Variants in GBE1 observed in about 807,000 individuals in gnomAD.
GBE1 encodes 1,4-alpha-glucan branching enzyme 1, also known as 1,4-alpha-glucan-branching enzyme.
GBE1 carries 70 observed loss-of-function variants against 88.8 expected under a neutral mutation model. The observed-to-expected ratio is 0.79, with a 90% CI of 0.65 to 0.96. The LOEUF (loss-of-function observed/expected upper bound fraction) is 0.96. GBE1 is among the 40% of genes least tolerant of loss of function. The pLI, the probability that GBE1 is intolerant of heterozygous loss-of-function variation, is 0.00. For missense variants in GBE1, 872 were observed against 871.0 expected (o/e 1.00, Z -0.01); for synonymous variants, 284 against 300.1 (o/e 0.95, Z 0.56).
chr3:81,741,431 G>A (rs1056014626), intron 1 of GBE1, among the ~76,000 whole-genome samples: 7 of 151,976 alleles, frequency 4.6e-5, no homozygotes, highest in African/African-American at 1.7e-4. Flanking sequence ...ACTTGAGAAA[G>A]AGCAACCACA....
intron 3 of GBE1, among the ~76,000 whole-genome samples, chr3:81,667,939 T>C (rs1482462325): frequency 1.3e-5 from 2 of 152,178 alleles, no homozygotes; most frequent in East Asian, 1.9e-4. Flanking sequence ...ATTGCAACAC[T>C]ATTTACAATG....
rs539747814 is a variant in GBE1 at position 81,613,126 on chromosome 3, G to A, written c.993-19103C>T. On this transcript the variant is annotated intron_variant, in intron 7 of 15. Coordinates refer to ENST00000429644, the MANE Select transcript of GBE1 (RefSeq NM_000158.4). ...CCTTCCTTTTTTAAAATGTTCTCCA[G>A]TCCTTGGGAGCAAGCTGCAGTCTTT... 3.7e-5 allele frequency: 15 copies of A among 401,172 alleles called. No individual in the cohort carries two copies. The East Asian group carries it at 1.2e-3, about 31-fold the overall frequency. The allele number at this position is 401,172 out of a possible 1,614,324, so 24.9% of individuals were successfully genotyped here.
chr3:81,592,213 TA>T (rs1703888810), intron 8 of GBE1, among the ~76,000 whole-genome samples: 1 of 152,084 alleles, frequency 6.6e-6, no homozygotes, highest in African/African-American at 2.4e-5. Context: ...GTAATATTAT[TA>T]ACTATAGTTA....
At chr3:81,515,683 T>C (rs564126227) in intron 14 of GBE1, among the ~76,000 whole-genome samples, 7 of 151,758 alleles carry the variant, frequency 4.6e-5, no homozygotes, top group African/African-American at 1.7e-4. Flanking sequence ...AGGTCCCTTA[T>C]GCCAAAGAGT....
intron 12 of GBE1, among the ~76,000 whole-genome samples, chr3:81,558,382 T>G (rs1186810854): frequency 4.6e-5 from 7 of 152,028 alleles, no homozygotes; most frequent in Non-Finnish European, 1.0e-4. Flanking sequence ...AAAAACAACT[T>G]AGGTATCAAA....
At chr3:81,505,118 C>G (rs1308208389) in intron 14 of GBE1, among the ~76,000 whole-genome samples, 1 of 152,188 alleles carries the variant, frequency 6.6e-6, no homozygotes, top group Non-Finnish European at 1.5e-5. Context: ...TTGTAAGATA[C>G]ATTCCAACTG....
chr3:81,665,617 T>G (rs1391116848), intron 3 of GBE1, among the ~76,000 whole-genome samples: 1 of 152,184 alleles, frequency 6.6e-6, no homozygotes, highest in Non-Finnish European at 1.5e-5. Flanking sequence ...CTTTCTACAT[T>G]ACATATAAGT....
At chr3:81,608,726 T>A (rs1332418003) in intron 7 of GBE1, among the ~76,000 whole-genome samples, 2 of 152,214 alleles carry the variant, frequency 1.3e-5, no homozygotes, top group African/African-American at 4.8e-5. Context: ...AAAACTATCC[T>A]TTATTGGGAA....
intron 2 of GBE1, among the ~76,000 whole-genome samples, chr3:81,686,507 A>G (rs1705443033): frequency 6.6e-6 from 1 of 152,190 alleles, no homozygotes; most frequent in African/African-American, 2.4e-5. Context: ...CTGTAATCCC[A>G]GCACTTCAGG....
At chr3:81,654,640 C>T (rs963419986) in intron 3 of GBE1, 1 of 151,998 alleles carries the variant, frequency 6.6e-6, no homozygotes, top group Non-Finnish European at 1.5e-5. Context: ...TGAGGAGAAG[C>T]TTTTCTTTAA....
At chr3:81,629,478 T>C (rs983623571) in intron 7 of GBE1, among the ~76,000 whole-genome samples, 1 of 152,100 alleles carries the variant, frequency 6.6e-6, no homozygotes, top group African/African-American at 2.4e-5. Flanking sequence ...AACATACACT[T>C]TTTTAGTTTA....
chr3:81,722,220 T>A (rs1706044179), intron 1 of GBE1, among the ~76,000 whole-genome samples: 1 of 152,260 alleles, frequency 6.6e-6, no homozygotes, highest in Non-Finnish European at 1.5e-5. Context: ...TATGTGACAT[T>A]CATACATTTA....
chr3:81,657,150 A>AC (rs1704952768), intron 3 of GBE1, among the ~76,000 whole-genome samples: 1 of 148,820 alleles, frequency 6.7e-6, no homozygotes, highest in South Asian at 2.1e-4. Context: ...AAAAAAAAAC[A>AC]AAACAAAAAA....
intron 12 of GBE1, among the ~76,000 whole-genome samples, chr3:81,545,305 T>C (rs999183604): frequency 2.5e-4 from 38 of 152,156 alleles, no homozygotes; most frequent in African/African-American, 8.0e-4. Context: ...GGGCCACATC[T>C]AATGTTTCTC....
At position 81,722,187 on chromosome 3, in the gene GBE1, C is replaced by T. The variant is rs570826647; in HGVS notation, c.144-16574G>A. On this transcript the variant is annotated intron_variant, in intron 1 of 15. Coordinates refer to ENST00000429644, the MANE Select transcript of GBE1 (RefSeq NM_000158.4). The stretch of plus-strand genomic sequence containing the variant: ...ATATTTTCAAATTATTAAGCACTGC[C>T]CATGCGTATCACAGATATTATGTAT... Among the ~76,000 whole-genome samples, 12 of 152,128 alleles carry T rather than the reference C, an allele frequency of 7.9e-5. No individual in the cohort carries two copies. The South Asian group carries it at 2.5e-3, about 32-fold the overall frequency.
intron 9 of GBE1, 77 bp from the exon 10 acceptor site, chr3:81,586,267 G>C: frequency 1.1e-6 from 1 of 871,866 alleles, no homozygotes. Context: ...GTCAATAAAT[G>C]AAAACAATAA....
At chr3:81,502,163 C>T (rs1416668999) in intron 14 of GBE1, among the ~76,000 whole-genome samples, 1 of 152,068 alleles carries the variant, frequency 6.6e-6, no homozygotes, top group Non-Finnish European at 1.5e-5. Context: ...GACTGAGCTT[C>T]ACACACCAAA....
intron 15 of GBE1, among the ~76,000 whole-genome samples, chr3:81,498,369 T>G (rs1018100761): frequency 6.6e-6 from 1 of 152,162 alleles, no homozygotes; most frequent in Non-Finnish European, 1.5e-5. Flanking sequence ...GGTAAAGTCA[T>G]GTATTTGTTA....
intron 1 of GBE1, among the ~76,000 whole-genome samples, chr3:81,712,567 A>G (rs566421208): frequency 1.3e-5 from 2 of 149,982 alleles, no homozygotes; most frequent in African/African-American, 4.9e-5. Context: ...CAAACACCGC[A>G]TGTTCTCACT....
Sources: allele counts gnomAD v4.1 joint callset (sites outside exome capture counted in the v4.1 genomes callset), GRCh38; gene constraint gnomAD v4.1.1; transcripts MANE v1.5; gene names NCBI Gene and HGNC (gene_info 2026-07-23, HGNC 2026-07-21).